The following GFRA2 variants were observed in gnomAD, a reference collection of about 807,000 sequenced individuals.
GFRA2 encodes the protein GDNF family receptor alpha 2.
GFRA2 carries 17 observed loss-of-function variants against 48.3 expected under a neutral mutation model. That is an observed-to-expected ratio of 0.35 (90% CI 0.24 to 0.53). The LOEUF is 0.53. Ranked by LOEUF, GFRA2 falls within the 20% of genes least tolerant of loss-of-function variation. The pLI is 0.93. For missense variants in GFRA2, 660 were observed against 637.3 expected (o/e 1.04, Z -0.38); for synonymous variants, 305 against 257.2 (o/e 1.19, Z -1.78).
chr8:21,713,847 T>A (rs533741978), intron 4 of GFRA2, among the ~76,000 whole-genome samples: 1 of 152,282 alleles, frequency 6.6e-6, no homozygotes, highest in East Asian at 1.9e-4. Context: ...TGCACAGGTT[T>A]CAGAGCTGGG....
intron 4 of GFRA2, among the ~76,000 whole-genome samples, chr8:21,738,931 G>A (rs1350965388): frequency 6.6e-6 from 1 of 152,214 alleles, no homozygotes; most frequent in East Asian, 1.9e-4. Flanking sequence ...AGGTGCTACT[G>A]TCCTTATTTT....
At chr8:21,787,332 G>A (rs1271571518) in intron 1 of GFRA2, among the ~76,000 whole-genome samples, 5 of 149,716 alleles carry the variant, frequency 3.3e-5, no homozygotes, top group African/African-American at 1.2e-4. Flanking sequence ...TTCCTCCCTC[G>A]CCTCCCACCC....
chr8:21,773,551 G>A (rs1264144330), intron 3 of GFRA2, among the ~76,000 whole-genome samples: 3 of 152,188 alleles, frequency 2.0e-5, no homozygotes, highest in Non-Finnish European at 4.4e-5. Context: ...GTTCTTGGGT[G>A]GACAAAAAGA....
intron 2 of GFRA2, among the ~76,000 whole-genome samples, chr8:21,796,399 CG>C (rs1807677866): frequency 1.1e-4 from 16 of 152,212 alleles, no homozygotes; most frequent in Admixed American, 3.3e-4. Flanking sequence ...TGCTGCCTGA[CG>C]CCCCCCGCAG....
At chr8:21,722,417 G>T (rs1273811869) in intron 4 of GFRA2, among the ~76,000 whole-genome samples, 1 of 152,242 alleles carries the variant, frequency 6.6e-6, no homozygotes, top group African/African-American at 2.4e-5. Context: ...TGCAGCTGCT[G>T]AACTCAGCTC....
chr8:21,801,537 C>G (rs1279763334), intron 2 of GFRA2, among the ~76,000 whole-genome samples: 2 of 144,254 alleles, frequency 1.4e-5, no homozygotes, highest in Non-Finnish European at 3.0e-5. Context: ...TTCCTCACCC[C>G]ACCCACCCCA....
chr8:21,788,311 T>A lies in GFRA2; in HGVS notation c.-152A>T. On this transcript the variant is annotated 5_prime_UTR_variant, in exon 1 of 9. Coordinates refer to ENST00000524240, the MANE Select transcript of GFRA2 (RefSeq NM_001495.5). ...TAGTCCACCCGATGAAGATCCCGAG[T>A]CCTGCGATTCTCGCCTCTGGCTGGA... 5 of 1,387,222 alleles carry A rather than the reference T, an allele frequency of 3.6e-6. No homozygotes were observed. The South Asian group carries it at 6.9e-5, about 19-fold the overall frequency. The allele number at this position is 1,387,222 out of a possible 1,614,324, so 85.9% of individuals were successfully genotyped here. A position where few individuals can be genotyped will look rare whatever the true frequency, so the allele number is the denominator to read the frequency against.
chr8:21,768,453 G>A, intron 3 of GFRA2, among the ~76,000 whole-genome samples: 1 of 152,174 alleles, frequency 6.6e-6, no homozygotes, highest in Middle Eastern at 3.2e-3. Context: ...GGCCTCGGAA[G>A]GGGGTCCCTG....
intron 1 of GFRA2, among the ~76,000 whole-genome samples, chr8:21,787,100 A>G (rs1275625963): frequency 4.6e-5 from 7 of 152,100 alleles, no homozygotes; most frequent in African/African-American, 1.7e-4. Flanking sequence ...CAGCCTTGCA[A>G]ACAACCGCCT....
chr8:21,799,755 C>T lies in GFRA2; in HGVS notation c.-36+5262G>A, dbSNP rs1412438254. Among the ~76,000 whole-genome samples the T allele has an allele frequency of 3.9e-5, 6 of 152,186 alleles. No individual in the cohort carries two copies. The East Asian group carries it at 1.2e-3, about 29-fold the overall frequency. On this transcript the variant is annotated intron_variant, in intron 2 of 10. Transcript: ENST00000517328. ...AAGGGGTTGCAGTCCTCAAGCTAAT[C>T]CCCCTGAAGTGGGAGATGAAGGCAT...
rs73669524 is a variant in GFRA2, at chr8:21,713,975, C to G, written c.795-7934G>C. On this transcript the variant is annotated intron_variant, in intron 4 of 8. Coordinates refer to ENST00000524240, the MANE Select transcript of GFRA2 (RefSeq NM_001495.5). The stretch of plus-strand genomic sequence containing the variant: ...CACAGCCAGAGAAAGCCCACAGTTA[C>G]GTGGCAAAGAGTGCACGTGTTTGTG... 5.8e-3 allele frequency among the ~76,000 whole-genome samples: 887 copies of G among 152,252 alleles called. 10 individuals carry two copies. Among genetic ancestry groups the G allele is most frequent in the African/African-American group, 0.02 (851 of 41,542 alleles).
intron 1 of GFRA2, among the ~76,000 whole-genome samples, chr8:21,787,313 G>C (rs1214223984): frequency 2.7e-5 from 4 of 150,424 alleles, no homozygotes; most frequent in African/African-American, 9.8e-5. Context: ...TCTTTGTTCA[G>C]ACCCGTTTTT....
At chr8:21,766,982 C>G (rs2117671644) in intron 3 of GFRA2, among the ~76,000 whole-genome samples, 1 of 147,002 alleles carries the variant, frequency 6.8e-6, no homozygotes, top group East Asian at 2.1e-4. Context: ...CATACACTTA[C>G]TACATACCAC....
intron 2 of GFRA2, among the ~76,000 whole-genome samples, chr8:21,796,095 G>T (rs1339388906): frequency 2.0e-5 from 3 of 152,184 alleles, no homozygotes; most frequent in Non-Finnish European, 4.4e-5. Context: ...CTTCTGTTGA[G>T]CTATCCTAAG....
chr8:21,758,036 G>A (rs982561615), intron 3 of GFRA2, among the ~76,000 whole-genome samples: 3 of 152,128 alleles, frequency 2.0e-5, no homozygotes, highest in Non-Finnish European at 4.4e-5. Context: ...TAGAGAAAAG[G>A]CACTTGACCT....
chr8:21,793,341 C>T (rs917931820), upstream of GFRA2, among the ~76,000 whole-genome samples: 1 of 151,984 alleles, frequency 6.6e-6, no homozygotes, highest in African/African-American at 2.4e-5. Flanking sequence ...CAGTCCCAGG[C>T]AGAGGTAATG....
Position 21,783,249 on chromosome 8 carries a change from C to T in GFRA2, c.41-350G>A, listed in dbSNP as rs112406490. The T allele has an allele frequency of 4.2e-3, 1,827 of 434,450 alleles. 27 individuals carry two copies. Among genetic ancestry groups the T allele is most frequent in the African/African-American group, 0.033 (1,658 of 49,850 alleles). 26.9% of individuals were successfully genotyped at this position (434,450 alleles called of 1,614,324 possible). A position where few individuals can be genotyped will look rare whatever the true frequency, so the allele number is the denominator to read the frequency against. On this transcript the variant is annotated intron_variant, in intron 1 of 8. Transcript: ENST00000524240. ...CACAGCCTCAGCAGAGAGCTGGGGG[C>T]TGCATGGCTTGCTGGGGGGTGCAGG... is the stretch of plus-strand genomic sequence containing the variant.
intron 1 of GFRA2, among the ~76,000 whole-genome samples, chr8:21,809,788 G>A (rs1056676303): frequency 2.0e-5 from 3 of 152,152 alleles, no homozygotes; most frequent in African/African-American, 7.2e-5. Flanking sequence ...AAACAGCCTT[G>A]CAGTAACTTC....
intron 2 of GFRA2, among the ~76,000 whole-genome samples, chr8:21,795,441 G>A (rs990772967): frequency 1.1e-4 from 16 of 149,942 alleles, no homozygotes; most frequent in South Asian, 8.5e-4. Flanking sequence ...CACCTAGGCC[G>A]GAGTGCTGTG....
Sources: gnomAD v4.1 joint callset for allele counts (sites outside exome capture counted in the v4.1 genomes callset) on GRCh38, gnomAD v4.1.1 for gene constraint, MANE v1.5 for transcripts, NCBI Gene and HGNC (gene_info 2026-07-23, HGNC 2026-07-21) for gene names.